The following TFB2M variants were observed in gnomAD, a reference collection of about 807,000 sequenced individuals.
TFB2M encodes transcription factor B2, mitochondrial.
Under a neutral mutation model 41.3 loss-of-function variants are expected in TFB2M, and 44 were observed. That is an observed-to-expected ratio of 1.07 (90% confidence interval 0.84 to 1.37). TFB2M has a LOEUF of 1.37. Among genes scored for constraint, TFB2M ranks in the 40% most tolerant of loss-of-function variants. The pLI is 0.00. For missense variants in TFB2M, 496 were observed against 490.2 expected (o/e 1.01, Z -0.11); for synonymous variants, 188 against 176.8 (o/e 1.06, Z -0.50).
intron 7 of TFB2M, among the ~76,000 whole-genome samples, chr1:246,543,883 A>G (rs1367251346): frequency 3.3e-5 from 5 of 151,898 alleles, no homozygotes; most frequent in Non-Finnish European, 7.3e-5. Flanking sequence ...CCAGCTACTC[A>G]GGAGGCTGAG....
chr1:246,561,711 TGCCCGCCTTG>T (rs1223415807), intron 2 of TFB2M, among the ~76,000 whole-genome samples: 1 of 152,180 alleles, frequency 6.6e-6, no homozygotes. Flanking sequence ...TCAAGTGACC[TGCCCGCCTTG>T]GCCTCCCAAA....
At chr1:246,548,476 T>C (rs1466855223) in intron 6 of TFB2M, 69 bp downstream of exon 6, 2 of 1,343,804 alleles carry the variant, frequency 1.5e-6, no homozygotes, top group African/African-American at 1.5e-5. Flanking sequence ...TACCAAATAG[T>C]CCTAAAAAAA....
At chr1:246,550,291 C>T (rs889943687) in intron 5 of TFB2M, among the ~76,000 whole-genome samples, 6 of 152,100 alleles carry the variant, frequency 3.9e-5, no homozygotes, top group African/African-American at 1.4e-4. Flanking sequence ...GTACAATATA[C>T]AGTGCAGGCA....
At chr1:246,549,200 T>C (rs1055999612) in intron 5 of TFB2M, among the ~76,000 whole-genome samples, 28 of 151,732 alleles carry the variant, frequency 1.8e-4, no homozygotes, top group Non-Finnish European at 2.9e-4. Flanking sequence ...AAAACAACAA[T>C]AACAAAAACC....
intron 2 of TFB2M, among the ~76,000 whole-genome samples, chr1:246,562,149 AAAC>A (rs1659472330): frequency 6.6e-6 from 1 of 152,212 alleles, no homozygotes; most frequent in South Asian, 2.1e-4. Flanking sequence ...TAAAAGAATT[AAAC>A]AACTGGATTT....
At chr1:246,545,547 T>C (rs1043378393) in intron 6 of TFB2M, among the ~76,000 whole-genome samples, 1 of 151,206 alleles carries the variant, frequency 6.6e-6, no homozygotes, top group Non-Finnish European at 1.5e-5. Flanking sequence ...GCTTAATGTT[T>C]GCTATGAAGG....
At chr1:246,561,410 T>A (rs1260429255) in intron 2 of TFB2M, among the ~76,000 whole-genome samples, 1 of 152,228 alleles carries the variant, frequency 6.6e-6, no homozygotes, top group Non-Finnish European at 1.5e-5. Flanking sequence ...AATTCTCTAG[T>A]CCCTAACCTT....
chr1:246,556,671 C>A lies in TFB2M; in HGVS notation c.607G>T (p.Ala203Ser). 6.3e-7 allele frequency: 1 copy of A among 1,582,758 alleles called. No homozygotes were observed. Among genetic ancestry groups the A allele is most frequent in the Non-Finnish European group, 8.5e-7 (1 of 1,170,196 alleles). The change falls in exon 4 of 8, where the codon GCA becomes TCA. Residue 203 changes from alanine to serine, a missense_variant. Ala to Ser is a moderately conservative substitution (Grantham distance 99). Transcript: ENST00000366514. ...GMFPSRGEKRALWKLAYDLYS... is the reference protein window; with the variant it reads ...GMFPSRGEKRSLWKLAYDLYS... ...AAGTCATATGCGAGTTTCCAAAGTG[C>A]CCTTTTCTCACCTCTACTTGGGAAC...
chr1:246,551,217 T>C lies in TFB2M; in HGVS notation c.791A>G (p.His264Arg). The change falls in exon 5 of 8, where the codon CAC (histidine) becomes CGC (arginine). Residue 264 changes from histidine (H) to arginine (R), a missense_variant. Transcript: ENST00000366514. The part of the protein sequence containing the change: ...WQLACEIKVL[H>R]MEPWSSFDIY... The stretch of plus-strand genomic sequence containing the variant: ...AAACAGAAGGATTTTACTCACCATG[T>C]GCAGAACCTTAATCTCACAAGCTAA... The C allele has an allele frequency of 3.1e-6, 5 of 1,613,076 alleles. No homozygotes were observed. The highest frequency in any genetic ancestry group is 4.2e-6 in the Non-Finnish European group (5 of 1,179,142).
At chr1:246,551,535 T>C (rs3124070) in intron 4 of TFB2M, among the ~76,000 whole-genome samples, 90,387 of 152,032 alleles carry the variant, frequency 0.59, 27,763 homozygotes, top group African/African-American at 0.74. Context: ...TGTGAGATGA[T>C]CGTGCCTGTG....
intron 7 of TFB2M, among the ~76,000 whole-genome samples, chr1:246,543,659 T>C (rs1658919422): frequency 6.6e-6 from 1 of 151,824 alleles, no homozygotes; most frequent in Non-Finnish European, 1.5e-5. Context: ...GATGGCCAGG[T>C]GCAGTGGCTC....
Position 246,541,007 on chromosome 1 carries a change from C to A in TFB2M, c.*24G>T. ...ATAGTTTCCAAATAAATGAACCGCT[C>A]CACCAAAAACGACAGTCTAGTTGCT... is the stretch of plus-strand genomic sequence containing the variant. On this transcript the variant is annotated 3_prime_UTR_variant, in exon 8 of 8. Coordinates refer to ENST00000366514, the MANE Select transcript of TFB2M (RefSeq NM_022366.3). 2 of 1,578,038 alleles carry A rather than the reference C, an allele frequency of 1.3e-6. No individual in the cohort carries two copies. Among genetic ancestry groups the A allele is most frequent in the Non-Finnish European group, 1.7e-6 (2 of 1,162,922 alleles).
intron 4 of TFB2M, among the ~76,000 whole-genome samples, chr1:246,555,291 A>C (rs1045652478): frequency 6.6e-5 from 10 of 152,190 alleles, no homozygotes; most frequent in African/African-American, 1.9e-4. Flanking sequence ...GCAGTTCCTC[A>C]AAAAACTAAA....
intron 6 of TFB2M, among the ~76,000 whole-genome samples, chr1:246,546,625 T>C (rs1220718089): frequency 8.9e-6 from 1 of 111,992 alleles, no homozygotes; most frequent in African/African-American, 3.6e-5. Context: ...AAAAAATAAA[T>C]AAATAAAAAA....
At chr1:246,561,249 C>G (rs1045853913) in intron 2 of TFB2M, among the ~76,000 whole-genome samples, 1 of 152,134 alleles carries the variant, frequency 6.6e-6, no homozygotes. Flanking sequence ...GAGTACAAGT[C>G]AGTGCTAGTA....
chr1:246,553,316 G>A (rs959163098), intron 4 of TFB2M, among the ~76,000 whole-genome samples: 8 of 152,092 alleles, frequency 5.3e-5, no homozygotes, highest in Non-Finnish European at 1.0e-4. Context: ...CGGACAATTC[G>A]AAAAACAATT....
At chr1:246,557,704 C>T (rs1169731684) in intron 2 of TFB2M, among the ~76,000 whole-genome samples, 170 bp from the exon 3 acceptor site, 2 of 152,178 alleles carry the variant, frequency 1.3e-5, no homozygotes, top group East Asian at 3.8e-4. Context: ...GACAGAGTCT[C>T]GCTCTGTTGC....
chr1:246,554,922 T>C (rs554254545), intron 4 of TFB2M, among the ~76,000 whole-genome samples: 4 of 152,246 alleles, frequency 2.6e-5, no homozygotes, highest in East Asian at 3.9e-4. Context: ...AGGCAACCCA[T>C]AGAATGGGAG....
At position 246,556,809 on chromosome 1, in the gene TFB2M, A is replaced by C. The variant is rs1659335845; in HGVS notation, c.557-88T>G. The C allele has an allele frequency of 8.6e-6, 9 of 1,052,534 alleles. No individual in the cohort carries two copies. The South Asian group carries it at 1.6e-4, about 19-fold the overall frequency. The allele number at this position is 1,052,534 out of a possible 1,614,324, so 65.2% of individuals were successfully genotyped here. On this transcript the variant is annotated intron_variant, in intron 3 of 7. Transcript: ENST00000366514. ...TTTTTTTGAGACAAACTAAGTTAAC[A>C]AACTATATTAATTTCAAGTTTATTT...
Sources: gnomAD v4.1 joint callset for allele counts (sites outside exome capture counted in the v4.1 genomes callset) on GRCh38, gnomAD v4.1.1 for gene constraint, MANE v1.5 for transcripts, NCBI Gene and HGNC (gene_info 2026-07-23, HGNC 2026-07-21) for gene names.